Variants in TNR observed in about 807,000 individuals in gnomAD.
TNR encodes the protein tenascin R.
TNR carries 45 observed loss-of-function variants against 150.4 expected under a neutral mutation model. That is an observed-to-expected ratio of 0.30 (90% CI 0.24 to 0.38). TNR has a LOEUF of 0.38. TNR is among the 10% of genes least tolerant of loss of function. The pLI is 1.00. For synonymous variants in TNR, 687 were observed against 678.4 expected (o/e 1.01, Z -0.20); for missense variants, 1,544 against 1,759.1 (o/e 0.88, Z 2.19).
At chr1:175,426,525 A>G (rs1225140380) in intron 2 of TNR, among the ~76,000 whole-genome samples, 1 of 152,056 alleles carries the variant, frequency 6.6e-6, no homozygotes, top group African/African-American at 2.4e-5. Flanking sequence ...CTTGAAAGTG[A>G]CAAGACTGAC....
At chr1:175,448,215 T>C (rs1032023437) in intron 2 of TNR, among the ~76,000 whole-genome samples, 5 of 152,106 alleles carry the variant, frequency 3.3e-5, no homozygotes, top group Non-Finnish European at 7.3e-5. Flanking sequence ...TCAGGGATTT[T>C]ACTTTTATTT....
intron 4 of TNR, among the ~76,000 whole-genome samples, chr1:175,399,660 C>T (rs1308859591): frequency 1.3e-5 from 2 of 152,096 alleles, no homozygotes; most frequent in African/African-American, 4.8e-5. Flanking sequence ...AATCAAAGAG[C>T]CTCATGCCTT....
intron 2 of TNR, among the ~76,000 whole-genome samples, chr1:175,496,787 G>T (rs933715202): frequency 6.6e-6 from 1 of 152,062 alleles, no homozygotes. Flanking sequence ...ATCTGTATAG[G>T]GCTTACTGTG....
chr1:175,320,247 G>C lies in TNR; in HGVS notation c.*3110C>G, dbSNP rs1450642557. 1.3e-5 allele frequency: 2 copies of C among 152,328 alleles called. No individual in the cohort carries two copies. The highest frequency in any genetic ancestry group is 2.9e-5 in the Non-Finnish European group (2 of 68,064). The allele number at this position is 152,328 out of a possible 1,614,324, so 9.4% of individuals were successfully genotyped here. On this transcript the variant is annotated 3_prime_UTR_variant, in exon 23 of 23. Transcript: ENST00000367674. The stretch of plus-strand genomic sequence containing the variant: ...AATGCAGTTGTGCTTGGAGGAGCAG[G>C]ATAAGCAGGAATCAGCGAGGAAAGT...
chr1:175,518,877 C>T (rs1197183547), intron 2 of TNR, among the ~76,000 whole-genome samples: 1 of 152,146 alleles, frequency 6.6e-6, no homozygotes, highest in Non-Finnish European at 1.5e-5. Flanking sequence ...ATAATTGCTA[C>T]CATAACAAAT....
At chr1:175,690,241 T>C (rs911403135) in intron 1 of TNR, among the ~76,000 whole-genome samples, 2 of 152,252 alleles carry the variant, frequency 1.3e-5, no homozygotes, top group South Asian at 2.1e-4. Context: ...GGTACTGTTA[T>C]AGGCTCTGAA....
intron 1 of TNR, among the ~76,000 whole-genome samples, chr1:175,539,548 G>A (rs1435949927): frequency 6.6e-6 from 1 of 152,192 alleles, no homozygotes; most frequent in African/African-American, 2.4e-5. Context: ...ACTGAGACCT[G>A]CTGGCTCTGG....
rs916384319 is a variant in TNR at position 175,540,206 on chromosome 1, C to A, written c.-164-11837G>T. On this transcript the variant is annotated intron_variant, in intron 1 of 22. Transcript: ENST00000367674. Reference sequence around the variant, plus strand: ...CTCTGATCCCACTAACAAGTGTCATCCTGATAACAGAGGCTCCATGTGACC... The same window carrying A: ...CTCTGATCCCACTAACAAGTGTCATACTGATAACAGAGGCTCCATGTGACC... Among the ~76,000 whole-genome samples the A allele has an allele frequency of 2.6e-5, 4 of 152,298 alleles. No individual in the cohort carries two copies. In the South Asian group the frequency reaches 8.3e-4, roughly 32 times the overall value.
intron 2 of TNR, among the ~76,000 whole-genome samples, chr1:175,423,101 G>A (rs1654826638): frequency 6.6e-6 from 1 of 152,222 alleles, no homozygotes; most frequent in Admixed American, 6.5e-5. Context: ...TCTGTGAAGT[G>A]AGGACTATTT....
At chr1:175,355,327 G>T (rs1208413199) in intron 17 of TNR, among the ~76,000 whole-genome samples, 176 bp downstream of exon 17, 1 of 152,172 alleles carries the variant, frequency 6.6e-6, no homozygotes, top group African/African-American at 2.4e-5. Context: ...CTGGCTTGCA[G>T]ACTAGGGCTC....
At chr1:175,335,056 C>G (rs533813261) in intron 20 of TNR, among the ~76,000 whole-genome samples, 5 of 152,128 alleles carry the variant, frequency 3.3e-5, no homozygotes, top group Non-Finnish European at 7.4e-5. Flanking sequence ...TAATCTTTTC[C>G]TCTACCTCCC....
rs752606269 is a variant in TNR, at chr1:175,406,736, T to C, written c.-22A>G. ...CCATCCTCTCAGCCAGAGATCTGGG[T>C]TCAGGACCAGCCTGCAGCACACAGC... On this transcript the variant is annotated 5_prime_UTR_variant, in exon 3 of 23. Coordinates refer to ENST00000367674, the MANE Select transcript of TNR (RefSeq NM_003285.3). 5.0e-6 allele frequency: 8 copies of C among 1,609,252 alleles called. No homozygotes were observed. The highest frequency in any genetic ancestry group is 1.7e-4 in the Middle Eastern group (1 of 6,056).
At chr1:175,672,163 C>T (rs1665722143) in intron 1 of TNR, among the ~76,000 whole-genome samples, 1 of 152,162 alleles carries the variant, frequency 6.6e-6, no homozygotes, top group Admixed American at 6.5e-5. Flanking sequence ...ACATTAAAAC[C>T]TTCTTGCAGA....
intron 2 of TNR, among the ~76,000 whole-genome samples, chr1:175,471,542 A>G (rs1382833132): frequency 6.6e-6 from 1 of 152,196 alleles, no homozygotes; most frequent in Non-Finnish European, 1.5e-5. Context: ...TGTGTCTCTA[A>G]ACATAGAAGA....
At chr1:175,355,819 G>A (rs1409668059) in intron 16 of TNR, among the ~76,000 whole-genome samples, 186 bp from the exon 17 acceptor site, 2 of 152,132 alleles carry the variant, frequency 1.3e-5, no homozygotes, top group Admixed American at 6.5e-5. Flanking sequence ...TCAGTGCCAC[G>A]ATCATTCTTG....
chr1:175,566,542 TGCA>T (rs1223458581), intron 1 of TNR, among the ~76,000 whole-genome samples: 2 of 152,262 alleles, frequency 1.3e-5, no homozygotes, highest in Non-Finnish European at 2.9e-5. Context: ...TGCTGCCTGC[TGCA>T]GATTTTCTGG....
intron 2 of TNR, among the ~76,000 whole-genome samples, chr1:175,444,090 C>T (rs1655919357): frequency 6.6e-6 from 1 of 152,118 alleles, no homozygotes; most frequent in Non-Finnish European, 1.5e-5. Context: ...GAGGCCCCAG[C>T]CAACTTCTGA....
chr1:175,432,883 G>T (rs1655339810), intron 2 of TNR, among the ~76,000 whole-genome samples: 1 of 152,118 alleles, frequency 6.6e-6, no homozygotes, highest in Non-Finnish European at 1.5e-5. Context: ...TTTCTTTTTA[G>T]GAGTGGCCAG....
intron 15 of TNR, among the ~76,000 whole-genome samples, chr1:175,359,136 CT>C (rs1557883635): frequency 6.5e-5 from 2 of 30,966 alleles, no homozygotes; most frequent in African/African-American, 1.8e-4. Flanking sequence ...TTGGGGATAT[CT>C]TCTTTTTTTT....
Sources: gnomAD v4.1 joint callset for allele counts (sites outside exome capture counted in the v4.1 genomes callset) on GRCh38, gnomAD v4.1.1 for gene constraint, MANE v1.5 for transcripts, NCBI Gene and HGNC (gene_info 2026-07-23, HGNC 2026-07-21) for gene names.